Variants in DNAH12 observed in about 807,000 individuals in gnomAD.
DNAH12 encodes the protein dynein axonemal heavy chain 12, also known as axonemal beta dynein heavy chain 12.
Under a neutral mutation model 371.5 loss-of-function variants are expected in DNAH12, and 285 were observed. The observed-to-expected ratio is 0.77, with a 90% CI of 0.70 to 0.85. DNAH12 has a LOEUF of 0.85. Among genes scored for constraint, DNAH12 ranks in the 40% least tolerant of loss-of-function variants. DNAH12 has a pLI of 0.00. For synonymous variants in DNAH12, 1,200 were observed against 1,213.0 expected (o/e 0.99, Z 0.22); for missense variants, 3,611 against 3,689.4 (o/e 0.98, Z 0.55).
intron 37 of DNAH12, among the ~76,000 whole-genome samples, chr3:57,418,125 C>A (rs902121487): frequency 2.1e-4 from 32 of 151,490 alleles, no homozygotes; most frequent in African/African-American, 7.8e-4. Flanking sequence ...CACTGCATTC[C>A]AGCCTGGGAG....
chr3:57,425,727 G>C (rs17058125), intron 34 of DNAH12, among the ~76,000 whole-genome samples: 3,218 of 152,134 alleles, frequency 0.021, 96 homozygotes, highest in African/African-American at 0.073. Flanking sequence ...ATGAAAACTA[G>C]CTACTGCAAG....
intron 29 of DNAH12, among the ~76,000 whole-genome samples, chr3:57,440,205 T>C (rs1238828008): frequency 6.6e-6 from 1 of 152,212 alleles, no homozygotes; most frequent in Non-Finnish European, 1.5e-5. Context: ...TAAATTGTTC[T>C]ACCAAAGAGA....
At chr3:57,364,147 G>C (rs887842404) in intron 57 of DNAH12, among the ~76,000 whole-genome samples, 1 of 152,018 alleles carries the variant, frequency 6.6e-6, no homozygotes, top group African/African-American at 2.4e-5. Flanking sequence ...ATTTTCTATA[G>C]TAGCACACAT....
intron 70 of DNAH12, among the ~76,000 whole-genome samples, chr3:57,298,797 A>C (rs2061285591): frequency 6.6e-6 from 1 of 152,228 alleles, no homozygotes; most frequent in Admixed American, 6.5e-5. Context: ...CTTATGGAAC[A>C]TCCCTTACTA....
At position 57,468,871 on chromosome 3, in the gene DNAH12, T is replaced by C. The variant is rs1394808560; in HGVS notation, c.2214A>G (p.Leu738=). Residue 738 remains leucine, a synonymous_variant, in exon 17 of 74, where the codon CTA becomes CTG. Transcript: ENST00000495027. ...FKTLKFFQTK[L]KKELQEKRKA... is the part of the protein sequence containing the mutation. ...TTCTTTTTTCTTGTAATTCTTTCTT[T>C]AGCTTCGTTTGGAAAAATTTTAGTG... is the stretch of plus-strand genomic sequence containing the variant. 1.3e-6 allele frequency: 2 copies of C among 1,526,702 alleles called. No individual in the cohort carries two copies. Among genetic ancestry groups the C allele is most frequent in the South Asian group, 2.5e-5 (2 of 79,150 alleles). The allele number at this position is 1,526,702 out of a possible 1,614,324, so 94.6% of individuals were successfully genotyped here.
At chr3:57,395,165 G>A (rs936790274) in intron 43 of DNAH12, among the ~76,000 whole-genome samples, 23 of 152,032 alleles carry the variant, frequency 1.5e-4, no homozygotes, top group African/African-American at 4.6e-4. Flanking sequence ...AAAATACAAT[G>A]TCATGATGTT....
intron 2 of DNAH12, 145 bp downstream of exon 2, chr3:57,542,556 T>C: frequency 1.1e-6 from 1 of 907,720 alleles, no homozygotes; most frequent in East Asian, 2.7e-5. Context: ...CCATTACAAT[T>C]ACTTTTCAAT....
At chr3:57,330,729 A>G (rs2062076595) in intron 62 of DNAH12, among the ~76,000 whole-genome samples, 1 of 151,906 alleles carries the variant, frequency 6.6e-6, no homozygotes, top group Non-Finnish European at 1.5e-5. Flanking sequence ...AAAAAAAAAA[A>G]AAAAGAAAAA....
chr3:57,378,135 T>G (rs2063319354), intron 52 of DNAH12, among the ~76,000 whole-genome samples: 1 of 152,158 alleles, frequency 6.6e-6, no homozygotes, highest in African/African-American at 2.4e-5. Flanking sequence ...GTTGCATATT[T>G]CTCTCCCATG....
intron 59 of DNAH12, among the ~76,000 whole-genome samples, chr3:57,354,349 G>A (rs2062747554): frequency 1.3e-5 from 2 of 152,110 alleles, no homozygotes; most frequent in African/African-American, 2.4e-5. Context: ...ACTCAAAGGT[G>A]GAGAGTAGGA....
At chr3:57,414,331 A>C (rs1257191612) in intron 38 of DNAH12, among the ~76,000 whole-genome samples, 1 of 152,206 alleles carries the variant, frequency 6.6e-6, no homozygotes, top group Non-Finnish European at 1.5e-5. Context: ...AAATTTCTAC[A>C]ATATTTTCCT....
intron 38 of DNAH12, among the ~76,000 whole-genome samples, chr3:57,414,397 A>T (rs982186180): frequency 4.6e-5 from 7 of 152,120 alleles, no homozygotes; most frequent in African/African-American, 1.7e-4. Flanking sequence ...TTTACTTTCC[A>T]ACTTTTATTT....
At chr3:57,352,005 G>T in intron 60 of DNAH12, 80 bp downstream of exon 60, 1 of 1,365,806 alleles carries the variant, frequency 7.3e-7, no homozygotes, top group Non-Finnish European at 9.7e-7. Flanking sequence ...ATAGACTTCT[G>T]TGAGAAGACA....
chr3:57,300,104 C>T (rs957601056), intron 70 of DNAH12, among the ~76,000 whole-genome samples: 10 of 152,212 alleles, frequency 6.6e-5, no homozygotes, highest in African/African-American at 2.2e-4. Flanking sequence ...CCTCCAGCCC[C>T]TGGTTCTTTG....
rs199566484 is a variant in DNAH12, at chr3:57,301,881, C to T, written c.11248G>A (p.Val3750Ile). 18 of 1,551,474 alleles carry T rather than the reference C, an allele frequency of 1.2e-5. No individual in the cohort carries two copies. In the East Asian group the frequency reaches 1.7e-4, roughly 15 times the overall value. ...RDLEKAIKGV[V>I]VMDSALEALS... The stretch of plus-strand genomic sequence containing the variant: ...GCCTCCAATGCAGAATCCATCACAA[C>T]CACACCCTTAATAGCTTTTTCAAGG... Residue 3750 changes from valine to isoleucine, a missense_variant, in exon 70 of 74, where the codon GTT becomes ATT. Val to Ile is a conservative substitution (Grantham distance 29). This residue lies in a region of DNAH12 where 2,266 missense variants were observed against 2,236.9 expected (regional missense o/e 1.01). Coordinates refer to ENST00000495027, the MANE Select transcript of DNAH12 (RefSeq NM_001366028.2).
chr3:57,444,575 G>A, intron 29 of DNAH12, 122 bp downstream of exon 29: 1 of 1,391,800 alleles, frequency 7.2e-7, no homozygotes, highest in Non-Finnish European at 9.7e-7. Context: ...TAACTAAAGT[G>A]GACAAAATAG....
At chr3:57,477,309 A>G in intron 13 of DNAH12, among the ~76,000 whole-genome samples, 1 of 152,176 alleles carries the variant, frequency 6.6e-6, no homozygotes, top group East Asian at 1.9e-4. Context: ...TCCTACACCC[A>G]CGGAGCCTCA....
At chr3:57,318,495 C>T (rs2061734374) in intron 65 of DNAH12, among the ~76,000 whole-genome samples, 1 of 149,822 alleles carries the variant, frequency 6.7e-6, no homozygotes, top group South Asian at 2.1e-4. Context: ...TCTGAGCTCT[C>T]TATTCTTTTC....
At chr3:57,472,177 G>A (rs1344593718) in intron 14 of DNAH12, among the ~76,000 whole-genome samples, 1 of 152,084 alleles carries the variant, frequency 6.6e-6, no homozygotes, top group African/African-American at 2.4e-5. Flanking sequence ...CTGTGATATT[G>A]AACTATTTAA....
Sources: allele counts gnomAD v4.1 joint callset (sites outside exome capture counted in the v4.1 genomes callset), GRCh38; gene constraint gnomAD v4.1.1; regional missense constraint gnomAD v4.1.1; transcripts MANE v1.5; gene names NCBI Gene and HGNC (gene_info 2026-07-23, HGNC 2026-07-21).